Variants in UCK2 observed in about 807,000 individuals in gnomAD.
UCK2 encodes uridine-cytidine kinase 2, also known as cytidine monophosphokinase 2.
UCK2 carries 6 observed loss-of-function variants against 30.8 expected under a neutral mutation model. The observed-to-expected ratio is 0.19, with a 90% CI of 0.11 to 0.38. The LOEUF is 0.38. Ranked by LOEUF, UCK2 falls within the 10% of genes least tolerant of loss-of-function variation. UCK2 has a pLI of 1.00. For synonymous variants in UCK2, 125 were observed against 133.6 expected, an observed-to-expected ratio of 0.94 and a Z score of 0.45; for missense variants, 210 against 339.8, an observed-to-expected ratio of 0.62 and a Z score of 3.00.
chr1:165,861,496 C>T (rs1224518543), intron 1 of UCK2, among the ~76,000 whole-genome samples: 2 of 149,340 alleles, frequency 1.3e-5, no homozygotes, highest in African/African-American at 2.5e-5. Context: ...GGCGTAGTGG[C>T]GGGCGCCTGT....
At chr1:165,873,607 T>C (rs1557841865) in intron 1 of UCK2, among the ~76,000 whole-genome samples, 1 of 152,230 alleles carries the variant, frequency 6.6e-6, no homozygotes. Context: ...CCCGTTGGGC[T>C]GTCGTAGTTC....
chr1:165,865,540 A>G (rs1453889216), intron 1 of UCK2, among the ~76,000 whole-genome samples: 2 of 152,000 alleles, frequency 1.3e-5, no homozygotes, highest in African/African-American at 2.4e-5. Context: ...TGTCAATTCA[A>G]TCATATTTCT....
At chr1:165,864,744 A>G (rs934459957) in intron 1 of UCK2, among the ~76,000 whole-genome samples, 4 of 152,132 alleles carry the variant, frequency 2.6e-5, no homozygotes, top group Non-Finnish European at 4.4e-5. Context: ...CATTGGCATG[A>G]TCATAGCTCA....
At chr1:165,848,350 T>G (rs1288403959) in intron 1 of UCK2, among the ~76,000 whole-genome samples, 1 of 152,170 alleles carries the variant, frequency 6.6e-6, no homozygotes, top group Non-Finnish European at 1.5e-5. Context: ...GTTGAGCTTT[T>G]GTCAGGTGTG....
intron 1 of UCK2, among the ~76,000 whole-genome samples, chr1:165,843,614 A>G (rs1229170856): frequency 6.6e-6 from 1 of 152,078 alleles, no homozygotes; most frequent in Non-Finnish European, 1.5e-5. Context: ...CCCCATCTCT[A>G]CAAAAAATAA....
intron 1 of UCK2, among the ~76,000 whole-genome samples, chr1:165,847,446 C>T (rs758264030): frequency 2.4e-4 from 36 of 152,078 alleles, no homozygotes; most frequent in Non-Finnish European, 4.4e-4. Context: ...CTTTCTTCAC[C>T]CCAGCCCATT....
rs549007256 is a variant in UCK2, at chr1:165,841,309, G to A, written c.99+13377G>A. 7.3e-5 allele frequency among the ~76,000 whole-genome samples: 11 copies of A among 151,632 alleles called. No individual in the cohort carries two copies. In the South Asian group the frequency reaches 1.7e-3, roughly 23 times the overall value. ...AGCAGTTCTTGTGCCTAAGCCTCCCGAGTAGCTGGGATTACAGGCGCCCAC... is the reference window on the plus strand; with the variant it reads ...AGCAGTTCTTGTGCCTAAGCCTCCCAAGTAGCTGGGATTACAGGCGCCCAC... On this transcript the variant is annotated intron_variant, in intron 1 of 6. Coordinates refer to ENST00000367879, the MANE Select transcript of UCK2 (RefSeq NM_012474.5).
chr1:165,901,418 T>G (rs2101887468), intron 4 of UCK2, among the ~76,000 whole-genome samples: 1 of 152,300 alleles, frequency 6.6e-6, no homozygotes, highest in Non-Finnish European at 1.5e-5. Context: ...CATGACAGCC[T>G]CCCCGTTCCC....
chr1:165,895,318 G>A (rs550535350), intron 3 of UCK2, among the ~76,000 whole-genome samples: 1 of 152,304 alleles, frequency 6.6e-6, no homozygotes, highest in African/African-American at 2.4e-5. Flanking sequence ...GGGGGCTGAG[G>A]CGGGAGGATC....
intron 1 of UCK2, among the ~76,000 whole-genome samples, chr1:165,864,454 C>T (rs1654996214): frequency 6.6e-6 from 1 of 151,964 alleles, no homozygotes; most frequent in Admixed American, 6.6e-5. Flanking sequence ...TTTAGGATTT[C>T]ACCTCATTAT....
chr1:165,849,403 T>G (rs1654536924), intron 1 of UCK2, among the ~76,000 whole-genome samples: 1 of 151,884 alleles, frequency 6.6e-6, no homozygotes, highest in Non-Finnish European at 1.5e-5. Flanking sequence ...AAGAGTGGAC[T>G]CGGGACCACA....
intron 1 of UCK2, among the ~76,000 whole-genome samples, chr1:165,839,869 G>A (rs1207507827): frequency 6.6e-6 from 1 of 152,234 alleles, no homozygotes; most frequent in African/African-American, 2.4e-5. Context: ...TGCCGGTACC[G>A]TGATTCATGT....
intron 3 of UCK2, chr1:165,895,926 G>A (rs1038176524): frequency 2.9e-6 from 1 of 350,584 alleles, no homozygotes; most frequent in Admixed American, 4.4e-5. Flanking sequence ...CCAAGGAGAA[G>A]GATGTCTGCC....
intron 1 of UCK2, among the ~76,000 whole-genome samples, chr1:165,849,406 G>A (rs1571270467): frequency 6.6e-6 from 1 of 151,996 alleles, no homozygotes; most frequent in East Asian, 1.9e-4. Context: ...AGTGGACTCG[G>A]GACCACAGCA....
intron 6 of UCK2, 45 bp from the exon 7 acceptor site, chr1:165,907,639 A>T (rs1647711538): frequency 6.2e-7 from 1 of 1,605,442 alleles, no homozygotes; most frequent in East Asian, 2.2e-5. Flanking sequence ...TCACCCCTGC[A>T]CCCATGCCTG....
chr1:165,837,806 A>G (rs935817186), intron 1 of UCK2, among the ~76,000 whole-genome samples: 1 of 152,250 alleles, frequency 6.6e-6, no homozygotes. Context: ...TGTGTATCAT[A>G]GGAATCTCAA....
rs574931317 is a variant in UCK2 at position 165,834,533 on chromosome 1, A to G, written c.99+6601A>G. On this transcript the variant is annotated intron_variant, in intron 1 of 6. Coordinates refer to ENST00000367879, the MANE Select transcript of UCK2 (RefSeq NM_012474.5). ...TAACCTGAAAAATATAAAGAACCAT[A>G]TAAAGCCCTCCAGCATTAGGCTTTC... 1.9e-4 allele frequency among the ~76,000 whole-genome samples: 29 copies of G among 152,320 alleles called. No individual in the cohort carries two copies. In the South Asian group the frequency reaches 5.4e-3, roughly 28 times the overall value.
Position 165,911,610 on chromosome 1 carries a change from C to G in UCK2, c.*3787C>G, listed in dbSNP as rs1557853788. On this transcript the variant is annotated 3_prime_UTR_variant, in exon 7 of 7. Transcript: ENST00000367879. ...GTACTTTGCTGTAAATAAAGACAGA[C>G]AAAAAGGCTCTCGCCTTCTGTGTGA... 1 of 152,138 alleles carries G rather than the reference C, an allele frequency of 6.6e-6. No individual in the cohort carries two copies. The highest frequency in any genetic ancestry group is 1.5e-5 in the Non-Finnish European group (1 of 68,040). The allele number at this position is 152,138 out of a possible 1,614,324, so 9.4% of individuals were successfully genotyped here. A position where few individuals can be genotyped will look rare whatever the true frequency, so the allele number is the denominator to read the frequency against.
rs1655737669 is a variant in UCK2, at chr1:165,890,429, C to G, written c.259+66C>G. ...TGTTGGGGGGAATAGTTTTATTTTG[C>G]TCATGAGGAAGTTGCTTAACCTCTC... On this transcript the variant is annotated intron_variant, in intron 2 of 6. Transcript: ENST00000367879. 3.2e-6 allele frequency: 5 copies of G among 1,544,394 alleles called. No homozygotes were observed. In the Admixed American group the frequency reaches 8.8e-5, roughly 27 times the overall value.
Sources: allele counts gnomAD v4.1 joint callset (sites outside exome capture counted in the v4.1 genomes callset), GRCh38; gene constraint gnomAD v4.1.1; transcripts MANE v1.5; gene names NCBI Gene and HGNC (gene_info 2026-07-23, HGNC 2026-07-21).